GLIS3: variants seen among roughly 807,000 people sequenced by gnomAD.
GLIS3 encodes zinc finger protein GLIS3.
In GLIS3, 53 loss-of-function variants were observed where a neutral mutation model predicts 78.6. The ratio of observed to expected loss-of-function variants is 0.67; its 90% CI spans 0.54 to 0.85. The LOEUF is 0.85. Ranked by LOEUF, GLIS3 falls within the 40% of genes least tolerant of loss-of-function variation. The probability of loss-of-function intolerance (pLI) is 0.00; values close to 1 mark genes in which losing one functional copy is unlikely to be tolerated. For missense variants in GLIS3, 1,703 were observed against 1,231.1 expected (o/e 1.38, Z -5.74); for synonymous variants, 684 against 509.9 (o/e 1.34, Z -4.60).
the GLIS3 span, among the ~76,000 whole-genome samples, chr9:4,354,432 C>A: frequency 6.6e-6 from 1 of 152,266 alleles, no homozygotes; most frequent in African/African-American, 2.4e-5. Flanking sequence ...GTGATTATTT[C>A]TTTTCTTTTG....
At chr9:4,358,886 C>A in the GLIS3 span, among the ~76,000 whole-genome samples, 1 of 152,132 alleles carries the variant, frequency 6.6e-6, no homozygotes, top group Non-Finnish European at 1.5e-5. Flanking sequence ...GTGTGGGCTA[C>A]CACTGCTGCT....
intron 4 of GLIS3, 73 bp from the exon 5 acceptor site, chr9:3,937,262 A>G (rs1825951895): frequency 1.3e-6 from 2 of 1,512,148 alleles, no homozygotes; most frequent in Admixed American, 3.5e-5. Flanking sequence ...AGCTAAAAAA[A>G]AAATGTTCTT....
At chr9:4,079,631 CA>C (rs1828380296) in intron 4 of GLIS3, among the ~76,000 whole-genome samples, 1 of 152,006 alleles carries the variant, frequency 6.6e-6, no homozygotes, top group Non-Finnish European at 1.5e-5. Context: ...AGCATGTCCC[CA>C]GTGCTGGGAA....
chr9:4,049,094 G>C (rs1188832286), intron 4 of GLIS3, among the ~76,000 whole-genome samples: 2 of 152,142 alleles, frequency 1.3e-5, no homozygotes, highest in Non-Finnish European at 2.9e-5. Context: ...TGATGTCTGA[G>C]CAAACTATCA....
At chr9:4,226,055 G>A (rs985625965) in intron 2 of GLIS3, among the ~76,000 whole-genome samples, 17 of 152,066 alleles carry the variant, frequency 1.1e-4, no homozygotes, top group Non-Finnish European at 1.8e-4. Flanking sequence ...CATTTAAATC[G>A]TTATTCAGGA....
At chr9:3,851,401 G>A (rs768864317) in intron 9 of GLIS3, among the ~76,000 whole-genome samples, 1 of 152,174 alleles carries the variant, frequency 6.6e-6, no homozygotes, top group Non-Finnish European at 1.5e-5. Context: ...CCCGAATGGA[G>A]ACCCGTAAAT....
intron 2 of GLIS3, among the ~76,000 whole-genome samples, chr9:4,188,390 T>C (rs1218523660): frequency 2.4e-4 from 35 of 148,872 alleles, no homozygotes; most frequent in East Asian, 2.2e-3. Context: ...CTGCTGGATT[T>C]GGTTTGCCAG....
Position 4,318,469 on chromosome 9 carries a change from G to A in GLIS3, n.265-7941C>T, listed in dbSNP as rs12346416. ...AGCCGTAAGCATCTTGTGACAGAAC[G>A]TAAACCCTCAAAAATATAAGGGGCA... On this transcript the variant is annotated intron_variant and non_coding_transcript_variant, in intron 2 of 4. Coordinates refer to the GLIS3 transcript ENST00000471664. Among the ~76,000 whole-genome samples, 558 of 152,098 alleles carry A rather than the reference G, an allele frequency of 3.7e-3. 2 individuals are homozygous for A. Among genetic ancestry groups the A allele is most frequent in the African/African-American group, 0.012 (508 of 41,484 alleles).
At chr9:4,356,039 A>G in the GLIS3 span, among the ~76,000 whole-genome samples, 1 of 152,218 alleles carries the variant, frequency 6.6e-6, no homozygotes, top group African/African-American at 2.4e-5. Context: ...GTCAAAAAAT[A>G]TATTTTCCAG....
chr9:4,378,823 G>T, the GLIS3 span, among the ~76,000 whole-genome samples: 1 of 152,172 alleles, frequency 6.6e-6, no homozygotes, highest in Admixed American at 6.5e-5. Context: ...TATGGCAGAA[G>T]CACCTGAATG....
chr9:4,195,376 C>T (rs984119949), intron 2 of GLIS3, among the ~76,000 whole-genome samples: 10 of 152,180 alleles, frequency 6.6e-5, no homozygotes, highest in Non-Finnish European at 1.5e-4. Flanking sequence ...TGGGCTTGGC[C>T]GGCCCCACAC....
the GLIS3 span, among the ~76,000 whole-genome samples, chr9:4,475,707 G>C: frequency 6.6e-6 from 1 of 152,150 alleles, no homozygotes; most frequent in Non-Finnish European, 1.5e-5. Flanking sequence ...ACAGAACAGG[G>C]CTTGTAAGCT....
At chr9:3,857,675 C>A (rs1411610351) in intron 8 of GLIS3, among the ~76,000 whole-genome samples, 1 of 152,186 alleles carries the variant, frequency 6.6e-6, no homozygotes, top group Non-Finnish European at 1.5e-5. Flanking sequence ...CATCTTCATT[C>A]TGCTGAAAGA....
At chr9:4,237,725 A>G (rs1822899342) in intron 2 of GLIS3, among the ~76,000 whole-genome samples, 1 of 152,190 alleles carries the variant, frequency 6.6e-6, no homozygotes. Context: ...TTTGTTTTGC[A>G]GTATTTTCCC....
At chr9:4,358,330 A>G in the GLIS3 span, among the ~76,000 whole-genome samples, 1 of 120,650 alleles carries the variant, frequency 8.3e-6, no homozygotes, top group Non-Finnish European at 1.9e-5. Flanking sequence ...AATTTACAAA[A>G]AAAAGAGACT....
intron 4 of GLIS3, among the ~76,000 whole-genome samples, chr9:3,951,620 G>C (rs955211914): frequency 6.6e-6 from 1 of 151,838 alleles, no homozygotes; most frequent in South Asian, 2.1e-4. Context: ...ATAAAAAAAG[G>C]GACCGACCGG....
At chr9:4,172,480 C>T (rs969523507) in intron 2 of GLIS3, among the ~76,000 whole-genome samples, 7 of 152,138 alleles carry the variant, frequency 4.6e-5, no homozygotes, top group East Asian at 1.9e-4. Flanking sequence ...CAAATCCAAA[C>T]GTACAGTATT....
chr9:4,212,107 T>A (rs1431490883), intron 2 of GLIS3, among the ~76,000 whole-genome samples: 2 of 152,208 alleles, frequency 1.3e-5, no homozygotes, highest in Admixed American at 6.5e-5. Flanking sequence ...TTTGGTAAAT[T>A]TACCAAAAGT....
intron 4 of GLIS3, among the ~76,000 whole-genome samples, chr9:3,982,957 G>GTTT (rs1563917929): frequency 2.6e-5 from 4 of 152,172 alleles, no homozygotes; most frequent in African/African-American, 9.7e-5. Flanking sequence ...TCAAAGTGAA[G>GTTT]GACATTGATT....
Sources: allele counts gnomAD v4.1 joint callset (sites outside exome capture counted in the v4.1 genomes callset), GRCh38; gene constraint gnomAD v4.1.1; transcripts MANE v1.5; gene names NCBI Gene and HGNC (gene_info 2026-07-23, HGNC 2026-07-21).